Variants in SETBP1 observed in about 807,000 individuals in gnomAD.
SETBP1 encodes SET binding protein 1.
In SETBP1, 9 loss-of-function variants were observed where a neutral mutation model predicts 101.0. The observed-to-expected ratio is 0.09, with a 90% CI of 0.05 to 0.16. The LOEUF is 0.16. Among genes scored for constraint, SETBP1 ranks in the 10% least tolerant of loss-of-function variants. The probability of loss-of-function intolerance (pLI) is 1.00; values close to 1 mark genes in which losing one functional copy is unlikely to be tolerated. For synonymous variants in SETBP1, 818 were observed against 788.5 expected, an observed-to-expected ratio of 1.04 and a Z score of -0.63; for missense variants, 1,858 against 2,033.8, an observed-to-expected ratio of 0.91 and a Z score of 1.66.
chr18:44,933,970 G>T (rs993222986), intron 3 of SETBP1, among the ~76,000 whole-genome samples: 1 of 152,118 alleles, frequency 6.6e-6, no homozygotes, highest in Non-Finnish European at 1.5e-5. Flanking sequence ...AGATGAACCT[G>T]GTACCTCAGT....
At chr18:44,681,800 G>C (rs563614994) in intron 1 of SETBP1, among the ~76,000 whole-genome samples, 1 of 152,072 alleles carries the variant, frequency 6.6e-6, no homozygotes, top group Admixed American at 6.5e-5. Context: ...ATTCGTTTCC[G>C]TTTCAAATAA....
Position 44,808,575 on chromosome 18 carries a change from A to G in SETBP1, c.487-60655A>G, listed in dbSNP as rs191271127. 1.9e-3 allele frequency among the ~76,000 whole-genome samples: 293 copies of G among 152,294 alleles called. 3 individuals are homozygous for G. Among genetic ancestry groups the G allele is most frequent in the Non-Finnish European group, 3.8e-4 (26 of 68,016 alleles). ...AAGAACACAGCACATGCGTCGACAGAAAAGCGGTCAGGACCCTCATTGGGG... is the reference window on the plus strand; with the variant it reads ...AAGAACACAGCACATGCGTCGACAGGAAAGCGGTCAGGACCCTCATTGGGG... On this transcript the variant is annotated intron_variant, in intron 2 of 5. Coordinates refer to ENST00000649279, the MANE Select transcript of SETBP1 (RefSeq NM_015559.3).
chr18:44,854,121 G>T (rs927909158), intron 2 of SETBP1, among the ~76,000 whole-genome samples: 1 of 152,182 alleles, frequency 6.6e-6, no homozygotes, highest in East Asian at 1.9e-4. Context: ...CCTGAGAGCA[G>T]GGCTTATATA....
At chr18:45,034,793 CT>C (rs1288299569) in intron 4 of SETBP1, among the ~76,000 whole-genome samples, 1 of 152,152 alleles carries the variant, frequency 6.6e-6, no homozygotes, top group Non-Finnish European at 1.5e-5. Flanking sequence ...ATACAGTCTA[CT>C]TTCTGAGTTT....
At position 44,913,358 on chromosome 18, in the gene SETBP1, C is replaced by A. The variant is rs186360893; in HGVS notation, c.541-36523C>A. 3.1e-3 allele frequency among the ~76,000 whole-genome samples: 467 copies of A among 152,296 alleles called. 3 individuals are homozygous for A. The highest frequency in any genetic ancestry group is 0.02 in the Middle Eastern group (6 of 294). ...TTCTCCTGTCTGTCCTTCTGCTCTGCCATCCTTAGATCAATGCTTCCGTCC... is the reference window on the plus strand; with the variant it reads ...TTCTCCTGTCTGTCCTTCTGCTCTGACATCCTTAGATCAATGCTTCCGTCC... On this transcript the variant is annotated intron_variant, in intron 3 of 5. Transcript: ENST00000649279.
At chr18:44,931,681 T>G (rs2070838137) in intron 3 of SETBP1, among the ~76,000 whole-genome samples, 2 of 152,216 alleles carry the variant, frequency 1.3e-5, no homozygotes, top group Non-Finnish European at 2.9e-5. Context: ...TTGATCCCTT[T>G]ACCATTATGC....
chr18:44,839,704 GA>G (rs1177019042), intron 2 of SETBP1, among the ~76,000 whole-genome samples: 6 of 152,222 alleles, frequency 3.9e-5, no homozygotes, highest in Non-Finnish European at 8.8e-5. Context: ...CAGATAAGTG[GA>G]GGTCTGAGAT....
chr18:44,791,870 C>T (rs2071379401), intron 2 of SETBP1, among the ~76,000 whole-genome samples: 1 of 152,112 alleles, frequency 6.6e-6, no homozygotes, highest in South Asian at 2.1e-4. Context: ...CTTAATTGCC[C>T]TAACTTCTTG....
chr18:44,963,765 C>T (rs2071661962), intron 4 of SETBP1, among the ~76,000 whole-genome samples: 1 of 151,588 alleles, frequency 6.6e-6, no homozygotes, highest in South Asian at 2.1e-4. Flanking sequence ...TGGTGCACAC[C>T]TGTAGTCCCA....
intron 2 of SETBP1, among the ~76,000 whole-genome samples, chr18:44,758,443 T>C (rs2070555155): frequency 6.6e-6 from 1 of 151,310 alleles, no homozygotes; most frequent in Admixed American, 6.6e-5. Flanking sequence ...AGTGCAGTGG[T>C]GCGATCTCAG....
intron 4 of SETBP1, among the ~76,000 whole-genome samples, chr18:45,000,647 G>C (rs868479805): frequency 3.3e-5 from 5 of 152,074 alleles, no homozygotes; most frequent in Non-Finnish European, 7.4e-5. Context: ...AAATTCCATA[G>C]CTTTTCAGCT....
At chr18:44,855,033 G>A (rs1293658984) in intron 2 of SETBP1, among the ~76,000 whole-genome samples, 1 of 152,014 alleles carries the variant, frequency 6.6e-6, no homozygotes. Flanking sequence ...ATACCAGATG[G>A]CTCACTCCCT....
At chr18:44,722,156 C>T (rs527845872) in intron 2 of SETBP1, among the ~76,000 whole-genome samples, 9 of 147,408 alleles carry the variant, frequency 6.1e-5, no homozygotes, top group Admixed American at 3.4e-4. Context: ...ATGTGTGTAC[C>T]GAAAAGAGCC....
intron 2 of SETBP1, among the ~76,000 whole-genome samples, chr18:44,708,529 T>A (rs1307960276): frequency 6.6e-6 from 1 of 152,168 alleles, no homozygotes; most frequent in Non-Finnish European, 1.5e-5. Context: ...TCTCTCTGAT[T>A]ATGTTGTAGC....
intron 2 of SETBP1, among the ~76,000 whole-genome samples, chr18:44,829,546 G>A (rs1430997946): frequency 6.6e-6 from 1 of 152,172 alleles, no homozygotes; most frequent in African/African-American, 2.4e-5. Context: ...GGCCGACCAT[G>A]ATCAGTTCTG....
In SETBP1 at chr18:44,701,682, G is replaced by T; in HGVS notation, c.336G>T (p.Arg112=). Residue 112 remains arginine (R), a synonymous_variant, in exon 2 of 6, where the codon CGG becomes CGT. Coordinates refer to ENST00000649279, the MANE Select transcript of SETBP1 (RefSeq NM_015559.3). ...SLKLKIQTTK[R]AKKPPKNLEN... ...AGCTAAAGATTCAGACCACAAAGCG[G>T]GCTAAGAAACCCCCAAAGAATTTGG... 1 of 1,614,136 alleles carries T rather than the reference G, an allele frequency of 6.2e-7. No individual in the cohort carries two copies. Among genetic ancestry groups the T allele is most frequent in the Non-Finnish European group, 8.5e-7 (1 of 1,180,022 alleles).
In SETBP1 at chr18:45,038,649, G is replaced by A. The variant is rs2073449081; in HGVS notation, c.4165G>A (p.Asp1389Asn). 1 of 1,613,966 alleles carries A rather than the reference G, an allele frequency of 6.2e-7. No individual in the cohort carries two copies. The highest frequency in any genetic ancestry group is 1.1e-5 in the South Asian group (1 of 91,084). ...CCTTGCTGCATCTGCAGCAACGTCG[G>A]ATGCAGGTGAGCACTTTTCAGATGC... Reference protein sequence around the residue: ...SLLAASAATSDAVGSSLKKRF... With the variant: ...SLLAASAATSNAVGSSLKKRF... Residue 1389 changes from aspartate (D) to asparagine (N), a missense_variant, in exon 5 of 6, where the codon GAT becomes AAT. Around this residue, in one of 12 missense-constraint regions of SETBP1, gnomAD observed 417 missense variants for 389.1 expected, o/e 1.07. Transcript: ENST00000649279.
chr18:44,984,596 A>G (rs2072188826), intron 4 of SETBP1, among the ~76,000 whole-genome samples: 1 of 152,148 alleles, frequency 6.6e-6, no homozygotes, highest in Non-Finnish European at 1.5e-5. Flanking sequence ...TGCTATAACT[A>G]CAGAATGATG....
At chr18:45,061,724 T>C (rs542748434) in intron 5 of SETBP1, among the ~76,000 whole-genome samples, 135 of 152,226 alleles carry the variant, frequency 8.9e-4, no homozygotes, top group Non-Finnish European at 1.7e-3. Context: ...TAAGTGAGAA[T>C]GGTATCCATG....
Sources: allele counts gnomAD v4.1 joint callset (sites outside exome capture counted in the v4.1 genomes callset), GRCh38; gene constraint gnomAD v4.1.1; regional missense constraint gnomAD v4.1.1; transcripts MANE v1.5; gene names NCBI Gene and HGNC (gene_info 2026-07-23, HGNC 2026-07-21).